The following ST8SIA4 variants were observed in gnomAD, a reference collection of about 807,000 sequenced individuals.
ST8SIA4 encodes CMP-N-acetylneuraminate-poly-alpha-2,8-sialyltransferase.
Under a neutral mutation model 33.9 loss-of-function variants are expected in ST8SIA4, and 15 were observed. The observed-to-expected ratio is 0.44, with a 90% CI of 0.30 to 0.68. The LOEUF (loss-of-function observed/expected upper bound fraction) is 0.68. ST8SIA4 is among the 30% of genes least tolerant of loss of function. ST8SIA4 has a pLI of 0.10. For missense variants in ST8SIA4, 321 were observed against 428.0 expected, an observed-to-expected ratio of 0.75 and a Z score of 2.21; for synonymous variants, 171 against 151.2, an observed-to-expected ratio of 1.13 and a Z score of -0.96.
At chr5:100,825,354 T>A (rs1457357672) in intron 4 of ST8SIA4, among the ~76,000 whole-genome samples, 1 of 152,174 alleles carries the variant, frequency 6.6e-6, no homozygotes, top group African/African-American at 2.4e-5. Flanking sequence ...TTATATTTTA[T>A]ATATTAACAT....
At chr5:100,859,203 A>T (rs1044270129) in intron 3 of ST8SIA4, among the ~76,000 whole-genome samples, 3 of 152,122 alleles carry the variant, frequency 2.0e-5, no homozygotes, top group Non-Finnish European at 2.9e-5. Context: ...CAGGATTATG[A>T]ATATATTTGC....
intron 3 of ST8SIA4, among the ~76,000 whole-genome samples, chr5:100,859,765 G>A (rs933037470): frequency 5.9e-5 from 9 of 151,930 alleles, no homozygotes; most frequent in African/African-American, 2.2e-4. Flanking sequence ...TCATGTGTGA[G>A]CACCTCAAGA....
At chr5:100,849,178 A>C in intron 4 of ST8SIA4, 1 of 985,294 alleles carries the variant, frequency 1.0e-6, no homozygotes, top group Non-Finnish European at 1.2e-6. Context: ...TTTTTGTGAC[A>C]GTTTGAATAT....
At chr5:100,900,174 C>A (rs1330065136) in intron 1 of ST8SIA4, 2 of 332,614 alleles carry the variant, frequency 6.0e-6, no homozygotes, top group East Asian at 1.5e-4. Context: ...CCTTGTATTG[C>A]AAAATTGGTA....
At position 100,811,680 on chromosome 5, in the gene ST8SIA4, C is replaced by T. The variant is rs141593443; in HGVS notation, c.*167G>A. On this transcript the variant is annotated 3_prime_UTR_variant, in exon 5 of 5. Transcript: ENST00000231461. The stretch of plus-strand genomic sequence containing the variant: ...GTCAAAATATTTAATTTTTAGAGCA[C>T]TTTGCAGGTATTTCATCAGCTGGTA... 48 of 676,592 alleles carry T rather than the reference C, an allele frequency of 7.1e-5. No homozygotes were observed. The highest frequency in any genetic ancestry group is 5.3e-4 in the South Asian group (26 of 49,140). The allele number at this position is 676,592 out of a possible 1,614,324, so 41.9% of individuals were successfully genotyped here. A position where few individuals can be genotyped will look rare whatever the true frequency, so the allele number is the denominator to read the frequency against.
At chr5:100,880,777 T>C (rs1269723918) in intron 3 of ST8SIA4, among the ~76,000 whole-genome samples, 1 of 152,202 alleles carries the variant, frequency 6.6e-6, no homozygotes, top group Non-Finnish European at 1.5e-5. Context: ...TAGAATTTGC[T>C]GATTAATTGG....
intron 4 of ST8SIA4, among the ~76,000 whole-genome samples, chr5:100,838,418 T>G (rs902095203): frequency 5.3e-5 from 8 of 152,142 alleles, no homozygotes; most frequent in African/African-American, 1.9e-4. Flanking sequence ...AATTACAGTA[T>G]GGTGTTTCTA....
chr5:100,867,006 T>C (rs372063032), intron 3 of ST8SIA4, among the ~76,000 whole-genome samples: 1 of 152,146 alleles, frequency 6.6e-6, no homozygotes, highest in Non-Finnish European at 1.5e-5. Context: ...TAGCATGTGA[T>C]TGTTTTCCTT....
At chr5:100,844,235 A>G (rs1270726963) in intron 4 of ST8SIA4, among the ~76,000 whole-genome samples, 1 of 151,984 alleles carries the variant, frequency 6.6e-6, no homozygotes, top group Non-Finnish European at 1.5e-5. Flanking sequence ...AAGAATTTGC[A>G]TCGTATATAA....
chr5:100,830,942 G>C (rs1333706817), intron 4 of ST8SIA4, among the ~76,000 whole-genome samples: 1 of 151,994 alleles, frequency 6.6e-6, no homozygotes, highest in Non-Finnish European at 1.5e-5. Flanking sequence ...TGTTTACTTA[G>C]AATTGGTAAA....
At chr5:100,848,962 C>T in intron 4 of ST8SIA4, 1 of 197,062 alleles carries the variant, frequency 5.1e-6, no homozygotes, top group Non-Finnish European at 9.1e-6. Context: ...ATTTCTTCTG[C>T]TGTCAAGTAA....
chr5:100,829,127 T>G (rs1020471732), intron 4 of ST8SIA4, among the ~76,000 whole-genome samples: 4 of 152,192 alleles, frequency 2.6e-5, no homozygotes, highest in African/African-American at 9.7e-5. Context: ...TATTCACGCT[T>G]GCTCTCACCT....
At chr5:100,866,138 G>A (rs1411068905) in intron 3 of ST8SIA4, among the ~76,000 whole-genome samples, 1 of 152,010 alleles carries the variant, frequency 6.6e-6, no homozygotes, top group Non-Finnish European at 1.5e-5. Context: ...GTGCTGTCTT[G>A]TATTCATTGA....
intron 1 of ST8SIA4, among the ~76,000 whole-genome samples, chr5:100,899,415 C>G (rs1001785979): frequency 9.2e-5 from 14 of 152,136 alleles, no homozygotes; most frequent in Admixed American, 7.9e-4. Context: ...GTGTTTCATC[C>G]TAGAACAAAC....
intron 3 of ST8SIA4, among the ~76,000 whole-genome samples, chr5:100,876,682 TCTTA>T (rs1455969868): frequency 6.6e-6 from 1 of 152,066 alleles, no homozygotes; most frequent in African/African-American, 2.4e-5. Flanking sequence ...TATTTAAAAT[TCTTA>T]CTTAAATTAG....
At chr5:100,868,738 T>C (rs1382602061) in intron 3 of ST8SIA4, among the ~76,000 whole-genome samples, 1 of 152,090 alleles carries the variant, frequency 6.6e-6, no homozygotes, top group Admixed American at 6.6e-5. Flanking sequence ...TGAAACTGCC[T>C]CTTTTCCTCA....
chr5:100,884,179 G>C (rs1752487550), intron 3 of ST8SIA4, among the ~76,000 whole-genome samples: 2 of 152,286 alleles, frequency 1.3e-5, no homozygotes, highest in East Asian at 1.9e-4. Context: ...GCAGATTATA[G>C]GGTTTTAAAT....
chr5:100,872,287 G>A (rs1580474478), intron 3 of ST8SIA4, among the ~76,000 whole-genome samples: 1 of 151,744 alleles, frequency 6.6e-6, no homozygotes, highest in African/African-American at 2.4e-5. Flanking sequence ...ATCAAATCAA[G>A]GTAATTACCA....
chr5:100,895,526 G>A (rs1022319070), intron 2 of ST8SIA4, 128 bp downstream of exon 2: 3 of 871,372 alleles, frequency 3.4e-6, no homozygotes. Flanking sequence ...ATTAAATAGA[G>A]CTGGTTCATT....
Sources: allele counts gnomAD v4.1 joint callset (sites outside exome capture counted in the v4.1 genomes callset), GRCh38; gene constraint gnomAD v4.1.1; transcripts MANE v1.5; gene names NCBI Gene and HGNC (gene_info 2026-07-23, HGNC 2026-07-21).